ATP8B4: variants seen among roughly 807,000 people sequenced by gnomAD.
The protein encoded by ATP8B4 is ATPase phospholipid transporting 8B4 (putative), also known as probable phospholipid-transporting ATPase IM.
Under a neutral mutation model 145.6 loss-of-function variants are expected in ATP8B4, and 133 were observed. That is an observed-to-expected ratio of 0.91 (90% CI 0.79 to 1.05). The LOEUF (loss-of-function observed/expected upper bound fraction) is 1.05. Ranked by LOEUF, ATP8B4 falls within the 50% of genes least tolerant of loss-of-function variation. The pLI is 0.00. For synonymous variants in ATP8B4, 507 were observed against 492.9 expected (o/e 1.03, Z -0.38); for missense variants, 1,458 against 1,425.2 (o/e 1.02, Z -0.37).
At chr15:50,086,374 TAAAA>T (rs1436919899) in intron 2 of ATP8B4, among the ~76,000 whole-genome samples, 2,835 of 37,094 alleles carry the variant, frequency 0.076, 324 homozygotes, top group African/African-American at 0.1. Context: ...TTATATATAA[TAAAA>T]TAATATAGAG....
intron 14 of ATP8B4, among the ~76,000 whole-genome samples, chr15:49,960,811 A>C (rs918541152): frequency 6.6e-6 from 1 of 152,292 alleles, no homozygotes; most frequent in African/African-American, 2.4e-5. Context: ...GTAATAGACA[A>C]CCCAATAGAA....
At chr15:50,177,862 GAACTACTTCA>G (rs1477408860) in intron 1 of ATP8B4, among the ~76,000 whole-genome samples, 1 of 152,142 alleles carries the variant, frequency 6.6e-6, no homozygotes, top group Admixed American at 6.5e-5. Flanking sequence ...GAGAAATAGT[GAACTACTTCA>G]TCTCCATAAA....
intron 3 of ATP8B4, among the ~76,000 whole-genome samples, chr15:50,049,158 T>C (rs2051973289): frequency 6.6e-6 from 1 of 152,244 alleles, no homozygotes; most frequent in African/African-American, 2.4e-5. Context: ...AATATATTTC[T>C]TTTCAATAAA....
intron 3 of ATP8B4, among the ~76,000 whole-genome samples, chr15:50,066,328 T>G (rs1344254503): frequency 1.3e-5 from 2 of 152,144 alleles, no homozygotes; most frequent in Non-Finnish European, 2.9e-5. Context: ...GTTACTATGG[T>G]GATGCCCCAA....
intron 25 of ATP8B4, 98 bp from the exon 26 acceptor site, chr15:49,866,582 G>A: frequency 6.9e-7 from 1 of 1,447,466 alleles, no homozygotes; most frequent in Non-Finnish European, 9.5e-7. Context: ...GTGGCAGGAA[G>A]TTTGCACCTG....
intron 2 of ATP8B4, among the ~76,000 whole-genome samples, chr15:50,098,327 T>A (rs2056126149): frequency 8.1e-6 from 1 of 123,360 alleles, no homozygotes; most frequent in African/African-American, 3.0e-5. Flanking sequence ...GGTCTCACTC[T>A]GTCACACAGG....
intron 12 of ATP8B4, among the ~76,000 whole-genome samples, chr15:49,974,529 G>A (rs570593999): frequency 6.6e-6 from 1 of 151,724 alleles, no homozygotes; most frequent in Admixed American, 6.6e-5. Flanking sequence ...CTGGCTGATT[G>A]TCTTTTCATT....
chr15:50,003,879 C>T (rs1266796876), intron 7 of ATP8B4, among the ~76,000 whole-genome samples: 5 of 152,142 alleles, frequency 3.3e-5, no homozygotes, highest in Admixed American at 6.5e-5. Flanking sequence ...CTGCACACAG[C>T]TGGCTAGGAA....
chr15:50,049,873 T>C (rs2052040165), intron 3 of ATP8B4, among the ~76,000 whole-genome samples: 1 of 152,220 alleles, frequency 6.6e-6, no homozygotes. Context: ...AGATGGCATC[T>C]CATTGTGGTT....
chr15:49,888,450 T>C (rs2036453031), intron 23 of ATP8B4, among the ~76,000 whole-genome samples: 1 of 152,196 alleles, frequency 6.6e-6, no homozygotes, highest in Admixed American at 6.5e-5. Flanking sequence ...TACACAGCCC[T>C]GTATCTCACT....
intron 7 of ATP8B4, among the ~76,000 whole-genome samples, chr15:50,010,027 T>G (rs903149477): frequency 1.3e-5 from 2 of 152,194 alleles, no homozygotes; most frequent in Non-Finnish European, 2.9e-5. Context: ...TGTTTAGGAC[T>G]CTTAACTGAG....
chr15:49,956,236 T>A (rs894648110), intron 14 of ATP8B4, among the ~76,000 whole-genome samples: 2 of 152,168 alleles, frequency 1.3e-5, no homozygotes, highest in African/African-American at 4.8e-5. Flanking sequence ...TAGAATAATA[T>A]TATTTTACAC....
intron 1 of ATP8B4, among the ~76,000 whole-genome samples, chr15:50,165,641 G>T (rs913613665): frequency 1.3e-5 from 2 of 152,062 alleles, no homozygotes; most frequent in African/African-American, 4.8e-5. Context: ...AAAAAGGGGG[G>T]TCATATGGAA....
Position 49,901,208 on chromosome 15 carries a change from T to G in ATP8B4, c.2173A>C (p.Arg725=). Residue 725 remains arginine (R), a synonymous_variant, in exon 21 of 28, where the codon AGA becomes CGA. Coordinates refer to ENST00000284509, the MANE Select transcript of ATP8B4 (RefSeq NM_024837.4). ...ACTACATGGCCATTGGAAAAATTTC[T>G]GTTTTGTCCAAACAAATTTTGTTTT... The part of the protein sequence containing the change: ...KAKQNLFGQN[R]NFSNGHVVCE... 1 of 1,613,478 alleles carries G rather than the reference T, an allele frequency of 6.2e-7. No individual in the cohort carries two copies. Among genetic ancestry groups the G allele is most frequent in the Non-Finnish European group, 8.5e-7 (1 of 1,179,630 alleles).
At chr15:50,161,685 T>C (rs753209756) in intron 1 of ATP8B4, among the ~76,000 whole-genome samples, 1 of 152,166 alleles carries the variant, frequency 6.6e-6, no homozygotes, top group Non-Finnish European at 1.5e-5. Flanking sequence ...TTTTACCTTT[T>C]TGTTTTTTCT....
chr15:50,017,124 G>A (rs563680917), intron 6 of ATP8B4, among the ~76,000 whole-genome samples: 2 of 152,214 alleles, frequency 1.3e-5, no homozygotes, highest in Non-Finnish European at 1.5e-5. Flanking sequence ...ATGAATCTTT[G>A]TGCTTCCCCA....
At chr15:49,966,870 C>T (rs1265721309) in intron 13 of ATP8B4, among the ~76,000 whole-genome samples, 3 of 152,156 alleles carry the variant, frequency 2.0e-5, no homozygotes, top group Admixed American at 6.5e-5. Context: ...ATAGGAGAGT[C>T]CTGGCTGACA....
At chr15:50,023,245 C>T (rs922454824) in intron 6 of ATP8B4, among the ~76,000 whole-genome samples, 3 of 152,142 alleles carry the variant, frequency 2.0e-5, no homozygotes, top group African/African-American at 7.2e-5. Context: ...AATCTTCTCT[C>T]TTCTGAATTC....
chr15:50,130,637 G>A (rs8043473), intron 1 of ATP8B4, among the ~76,000 whole-genome samples: 1,977 of 151,956 alleles, frequency 0.013, 42 homozygotes, highest in South Asian at 0.071. Flanking sequence ...TTAGCCAGGC[G>A]TGGTGGCAGG....
Sources: gnomAD v4.1 joint callset for allele counts (sites outside exome capture counted in the v4.1 genomes callset) on GRCh38, gnomAD v4.1.1 for gene constraint, MANE v1.5 for transcripts, NCBI Gene and HGNC (gene_info 2026-07-23, HGNC 2026-07-21) for gene names.